The following WWP1 variants were observed in gnomAD, a reference collection of about 807,000 sequenced individuals.
WWP1 encodes NEDD4-like E3 ubiquitin-protein ligase WWP1.
A neutral mutation model predicts 130.6 loss-of-function variants in WWP1; 49 were observed. That is an observed-to-expected ratio of 0.38 (90% confidence interval 0.30 to 0.48). WWP1 has a LOEUF of 0.48. Among genes scored for constraint, WWP1 ranks in the 20% least tolerant of loss-of-function variants. WWP1 has a pLI of 0.99. For synonymous variants in WWP1, 332 were observed against 367.8 expected (o/e 0.90, Z 1.11); for missense variants, 809 against 1,100.6 (o/e 0.74, Z 3.75).
At chr8:86,463,614 G>T (rs1158623084) in intron 24 of WWP1, among the ~76,000 whole-genome samples, 3 of 150,664 alleles carry the variant, frequency 2.0e-5, no homozygotes, top group Admixed American at 2.0e-4. Flanking sequence ...CCAATTAGTG[G>T]TATTTTAGCA....
At chr8:86,379,184 T>C (rs867881501) in intron 3 of WWP1, among the ~76,000 whole-genome samples, 3 of 152,274 alleles carry the variant, frequency 2.0e-5, no homozygotes, top group East Asian at 3.9e-4. Context: ...AGAGAGCAAG[T>C]CTGGGCCTTC....
intron 1 of WWP1, among the ~76,000 whole-genome samples, chr8:86,348,914 G>A (rs199919126): frequency 6.6e-6 from 1 of 152,152 alleles, no homozygotes; most frequent in East Asian, 1.9e-4. Context: ...GGTTTTGCTG[G>A]TGATCACTCT....
intron 3 of WWP1, among the ~76,000 whole-genome samples, chr8:86,375,723 C>T (rs1395674779): frequency 6.6e-6 from 1 of 152,160 alleles, no homozygotes; most frequent in Non-Finnish European, 1.5e-5. Context: ...AGTGCTGCAA[C>T]AAATAACTTC....
At chr8:86,352,605 TCCTCTCACCTTGC>T (rs1000937650) in intron 1 of WWP1, among the ~76,000 whole-genome samples, 2 of 151,980 alleles carry the variant, frequency 1.3e-5, no homozygotes, top group Non-Finnish European at 1.5e-5. Context: ...ACTCAAGTGA[TCCTCTCACCTTGC>T]CCTCTCTCCC....
intron 24 of WWP1, among the ~76,000 whole-genome samples, chr8:86,463,923 T>A (rs1203850594): frequency 6.6e-6 from 1 of 151,736 alleles, no homozygotes; most frequent in African/African-American, 2.4e-5. Context: ...TAGCCGGGTG[T>A]GGTGGCACAC....
chr8:86,411,036 G>C (rs776426327), intron 8 of WWP1, among the ~76,000 whole-genome samples: 5 of 152,052 alleles, frequency 3.3e-5, no homozygotes, highest in African/African-American at 2.4e-5. Context: ...TGCAGTACTG[G>C]GTTATTTCTT....
At chr8:86,391,594 T>C (rs1477905455) in intron 5 of WWP1, among the ~76,000 whole-genome samples, 3 of 152,068 alleles carry the variant, frequency 2.0e-5, no homozygotes, top group South Asian at 2.1e-4. Flanking sequence ...ATCAATAATA[T>C]GTTTTTGCAA....
At position 86,374,021 on chromosome 8, in the gene WWP1, T is replaced by C; in HGVS notation, c.-21-9T>C. The C allele has an allele frequency of 6.3e-7, 1 of 1,583,818 alleles. No homozygotes were observed. Among genetic ancestry groups the C allele is most frequent in the Non-Finnish European group, 8.6e-7 (1 of 1,169,310 alleles). On this transcript the variant is annotated splice_polypyrimidine_tract_variant and intron_variant, in intron 2 of 24. Transcript: ENST00000517970. ...TAACACATGAATAAATTCCCCTTTT[T>C]TAAAATAGGTTTTAGCTGAATTTTG...
At chr8:86,344,281 G>T (rs1310858683) in intron 1 of WWP1, among the ~76,000 whole-genome samples, 1 of 152,120 alleles carries the variant, frequency 6.6e-6, no homozygotes, top group Non-Finnish European at 1.5e-5. Context: ...ACCTTAAAAT[G>T]TGAAACTGCT....
chr8:86,466,985 A>G lies in WWP1; in HGVS notation c.*92A>G. 4.5e-6 allele frequency: 4 copies of G among 891,904 alleles called. No homozygotes were observed. The highest frequency in any genetic ancestry group is 6.9e-6 in the Non-Finnish European group (4 of 581,944). The allele number at this position is 891,904 out of a possible 1,614,324, so 55.2% of individuals were successfully genotyped here. Reference sequence around the variant, plus strand: ...AGTGTATATAAGCTGTTCATTCTGTACAGTGAATTTTCCGAACCTCTCAAA... The same window carrying G: ...AGTGTATATAAGCTGTTCATTCTGTGCAGTGAATTTTCCGAACCTCTCAAA... On this transcript the variant is annotated 3_prime_UTR_variant, in exon 25 of 25. Coordinates refer to ENST00000517970, the MANE Select transcript of WWP1 (RefSeq NM_007013.4).
intron 16 of WWP1, among the ~76,000 whole-genome samples, chr8:86,436,221 G>A (rs1445376360): frequency 6.6e-6 from 1 of 152,152 alleles, no homozygotes; most frequent in Non-Finnish European, 1.5e-5. Flanking sequence ...AGCTTAAACA[G>A]CTTTTGGAAC....
chr8:86,376,616 C>T (rs535160646), intron 3 of WWP1, among the ~76,000 whole-genome samples: 6 of 151,794 alleles, frequency 4.0e-5, no homozygotes, highest in Non-Finnish European at 8.8e-5. Flanking sequence ...CCTGATCTGG[C>T]TAATTTGAGG....
chr8:86,362,163 C>CATATATATATAT lies in WWP1; in HGVS notation c.-114-6748_-114-6737dup, dbSNP rs34231831. 1.4e-3 allele frequency among the ~76,000 whole-genome samples: 85 copies of CATATATATATAT among 59,002 alleles called. 5 individuals carry two copies. Among genetic ancestry groups the CATATATATATAT allele is most frequent in the African/African-American group, 2.9e-3 (29 of 10,142 alleles). 38.7% of individuals were successfully genotyped at this position (59,002 alleles called of 152,430 possible). ...ATACTAGGCATATATATATACAAGG[C>CATATATATATAT]ATATATATATATATATATATATATA... On this transcript the variant is annotated intron_variant, in intron 1 of 24. Coordinates refer to ENST00000517970, the MANE Select transcript of WWP1 (RefSeq NM_007013.4).
intron 2 of WWP1, among the ~76,000 whole-genome samples, chr8:86,370,852 A>ATTTT (rs1563472827): frequency 4.9e-5 from 3 of 60,658 alleles, no homozygotes; most frequent in African/African-American, 1.6e-4. Context: ...AGCTATATTC[A>ATTTT]TTCTTTTTTT....
intron 5 of WWP1, among the ~76,000 whole-genome samples, chr8:86,384,209 C>T (rs1023097854): frequency 3.3e-5 from 5 of 152,146 alleles, no homozygotes; most frequent in African/African-American, 4.8e-5. Flanking sequence ...AAAAACGTCA[C>T]ATTTTGAGGT....
At chr8:86,362,163 CATATATATATATATATAT>C (rs34231831) in intron 1 of WWP1, among the ~76,000 whole-genome samples, 711 of 59,026 alleles carry the variant, frequency 0.012, 19 homozygotes, top group African/African-American at 0.02. Context: ...ATATACAAGG[CATATATATATATATATAT>C]ATATATATAT....
chr8:86,429,232 G>A lies in WWP1; in HGVS notation c.1332+1415G>A, dbSNP rs569662714. Among the ~76,000 whole-genome samples the A allele has an allele frequency of 4.9e-4, 75 of 152,282 alleles. No homozygotes were observed. The South Asian group carries it at 0.01, about 21-fold the overall frequency. On this transcript the variant is annotated intron_variant, in intron 11 of 24. Coordinates refer to ENST00000517970, the MANE Select transcript of WWP1 (RefSeq NM_007013.4). The stretch of plus-strand genomic sequence containing the variant: ...CAAGCCCTTGCCTTTTTTACTTAGC[G>A]AAGGATGCCCTCACCATGGCCTTCT...
At chr8:86,358,674 A>G (rs1208010042) in intron 1 of WWP1, among the ~76,000 whole-genome samples, 1 of 151,626 alleles carries the variant, frequency 6.6e-6, no homozygotes, top group African/African-American at 2.4e-5. Flanking sequence ...TTGGGTATAT[A>G]TAATTCTATT....
chr8:86,433,806 T>C (rs1810128491), intron 14 of WWP1, among the ~76,000 whole-genome samples: 1 of 152,070 alleles, frequency 6.6e-6, no homozygotes. Context: ...TAATCCCAGC[T>C]ACTCAGGAGG....
Sources: gnomAD v4.1 joint callset for allele counts (sites outside exome capture counted in the v4.1 genomes callset) on GRCh38, gnomAD v4.1.1 for gene constraint, MANE v1.5 for transcripts, NCBI Gene and HGNC (gene_info 2026-07-23, HGNC 2026-07-21) for gene names.